Variants in NOS1AP observed in about 807,000 individuals in gnomAD.
NOS1AP encodes nitric oxide synthase 1 adaptor protein.
In NOS1AP, 21 loss-of-function variants were observed where a neutral mutation model predicts 56.2. The observed-to-expected ratio is 0.37, with a 90% CI of 0.26 to 0.54. The LOEUF is 0.54. Among genes scored for constraint, NOS1AP ranks in the 20% least tolerant of loss-of-function variants. The probability of loss-of-function intolerance (pLI) is 0.84; values close to 1 mark genes in which losing one functional copy is unlikely to be tolerated. For missense variants in NOS1AP, 522 were observed against 657.8 expected (o/e 0.79, Z 2.26); for synonymous variants, 270 against 274.6 (o/e 0.98, Z 0.17).
At chr1:162,208,013 G>A (rs4656359) in intron 2 of NOS1AP, among the ~76,000 whole-genome samples, 125,839 of 152,184 alleles carry the variant, frequency 0.83, 52,370 homozygotes, top group East Asian at 0.88. Context: ...ATCTGTAGAT[G>A]GGAGATGAAG....
chr1:162,296,708 T>C (rs1445313552), intron 3 of NOS1AP, among the ~76,000 whole-genome samples: 1 of 152,206 alleles, frequency 6.6e-6, no homozygotes, highest in Non-Finnish European at 1.5e-5. Flanking sequence ...TTTTGCCTCA[T>C]TATTCTTTCC....
At chr1:162,076,703 T>C (rs983358507) in intron 1 of NOS1AP, among the ~76,000 whole-genome samples, 2 of 152,128 alleles carry the variant, frequency 1.3e-5, no homozygotes, top group Non-Finnish European at 2.9e-5. Flanking sequence ...CCATCTCTAC[T>C]AAAAATACAA....
At chr1:162,339,385 A>G (rs1657034009) in intron 5 of NOS1AP, among the ~76,000 whole-genome samples, 1 of 139,752 alleles carries the variant, frequency 7.2e-6, no homozygotes, top group Non-Finnish European at 1.5e-5. Flanking sequence ...ATAATGCAGT[A>G]TAATGATGCT....
At position 162,142,217 on chromosome 1, in the gene NOS1AP, A is replaced by G. The variant is rs925204159; in HGVS notation, c.106-12188A>G. Reference sequence around the variant, plus strand: ...TCTAAATGCCAATCACTTCATATGTATTATTTTATTTAATCTTTACAGTGG... The same window carrying G: ...TCTAAATGCCAATCACTTCATATGTGTTATTTTATTTAATCTTTACAGTGG... On this transcript the variant is annotated intron_variant, in intron 1 of 9. Coordinates refer to ENST00000361897, the MANE Select transcript of NOS1AP (RefSeq NM_014697.3). 5.3e-5 allele frequency among the ~76,000 whole-genome samples: 8 copies of G among 152,316 alleles called. No individual in the cohort carries two copies. The South Asian group carries it at 1.7e-3, about 32-fold the overall frequency.
chr1:162,221,191 G>C (rs558605249), intron 2 of NOS1AP, among the ~76,000 whole-genome samples: 44 of 152,174 alleles, frequency 2.9e-4, no homozygotes, highest in Non-Finnish European at 5.4e-4. Flanking sequence ...CACCCACCTT[G>C]GCCTCCCAAA....
intron 1 of NOS1AP, among the ~76,000 whole-genome samples, chr1:162,082,530 G>T (rs1691917780): frequency 6.6e-6 from 1 of 152,134 alleles, no homozygotes; most frequent in South Asian, 2.1e-4. Context: ...TTCCACAATG[G>T]CTGAACTAAT....
intron 1 of NOS1AP, among the ~76,000 whole-genome samples, chr1:162,125,280 C>G (rs1314098935): frequency 1.3e-5 from 2 of 151,952 alleles, no homozygotes; most frequent in African/African-American, 4.8e-5. Flanking sequence ...ATTACAGGCA[C>G]CCACCTCCAT....
rs773284150 is a variant in NOS1AP at position 162,331,785 on chromosome 1, G to A, written c.345-1232G>A. ...CAAAACTAATTCCACTGATGCACCC[G>A]CTCCAACTCCCTGCACCGACCCCAC... On this transcript the variant is annotated intron_variant, in intron 4 of 9. Transcript: ENST00000361897. 5.3e-5 allele frequency among the ~76,000 whole-genome samples: 8 copies of A among 152,096 alleles called. No individual in the cohort carries two copies. In the South Asian group the frequency reaches 6.2e-4, roughly 12 times the overall value.
intron 1 of NOS1AP, among the ~76,000 whole-genome samples, chr1:162,089,960 A>G (rs375385345): frequency 1.3e-5 from 2 of 152,196 alleles, no homozygotes; most frequent in South Asian, 4.1e-4. Flanking sequence ...GCCCTAGTTA[A>G]CTAATACAAT....
chr1:162,108,727 G>A (rs975938554), intron 1 of NOS1AP, among the ~76,000 whole-genome samples: 9 of 151,618 alleles, frequency 5.9e-5, no homozygotes, highest in Admixed American at 5.3e-4. Context: ...AAAAAAAAAG[G>A]ATTTATACAG....
chr1:162,208,396 A>G (rs956449240), intron 2 of NOS1AP, among the ~76,000 whole-genome samples: 1 of 152,218 alleles, frequency 6.6e-6, no homozygotes, highest in Non-Finnish European at 1.5e-5. Context: ...TTAAGTGCCT[A>G]CAAAGTTCCT....
At chr1:162,139,538 T>A (rs535985727) in intron 1 of NOS1AP, among the ~76,000 whole-genome samples, 1 of 151,838 alleles carries the variant, frequency 6.6e-6, no homozygotes, top group Non-Finnish European at 1.5e-5. Flanking sequence ...ATGGAGGGAG[T>A]GTTGAAAAGG....
intron 2 of NOS1AP, among the ~76,000 whole-genome samples, chr1:162,213,223 A>T (rs1001891471): frequency 3.3e-5 from 5 of 152,180 alleles, no homozygotes; most frequent in Non-Finnish European, 2.9e-5. Context: ...TTATTCCAAT[A>T]CATATTTAAA....
At chr1:162,118,894 C>T (rs1351076872) in intron 1 of NOS1AP, among the ~76,000 whole-genome samples, 1 of 152,006 alleles carries the variant, frequency 6.6e-6, no homozygotes, top group Non-Finnish European at 1.5e-5. Context: ...GGAGCCTTGG[C>T]CTCTCTCCTC....
chr1:162,197,228 C>G (rs183585185), intron 2 of NOS1AP, among the ~76,000 whole-genome samples: 139 of 152,302 alleles, frequency 9.1e-4, no homozygotes, highest in Middle Eastern at 3.4e-3. Context: ...ATGCAAAGAC[C>G]ACACACGGGC....
intron 2 of NOS1AP, among the ~76,000 whole-genome samples, chr1:162,168,979 C>T (rs530141351): frequency 7.2e-5 from 11 of 152,282 alleles, no homozygotes; most frequent in South Asian, 6.2e-4. Context: ...CCAAGGATTC[C>T]GTCTCCCTCA....
At chr1:162,168,096 A>C (rs1036840092) in intron 2 of NOS1AP, among the ~76,000 whole-genome samples, 1 of 152,148 alleles carries the variant, frequency 6.6e-6, no homozygotes, top group African/African-American at 2.4e-5. Flanking sequence ...GTAGCAACTC[A>C]CTGAATCCTC....
chr1:162,283,067 TCTC>T (rs1443919604), intron 2 of NOS1AP, among the ~76,000 whole-genome samples: 18 of 149,894 alleles, frequency 1.2e-4, no homozygotes, highest in African/African-American at 4.4e-4. Flanking sequence ...TTTCTCTCTC[TCTC>T]TTTATTGCTT....
intron 2 of NOS1AP, among the ~76,000 whole-genome samples, chr1:162,217,239 A>G (rs889751104): frequency 3.9e-5 from 4 of 101,524 alleles, no homozygotes; most frequent in Non-Finnish European, 6.3e-5. Context: ...ACCTCTTTCC[A>G]TTTGGGTCCT....
Sources: gnomAD v4.1 joint callset for allele counts (sites outside exome capture counted in the v4.1 genomes callset) on GRCh38, gnomAD v4.1.1 for gene constraint, MANE v1.5 for transcripts, NCBI Gene and HGNC (gene_info 2026-07-23, HGNC 2026-07-21) for gene names.